KDM4C: variants seen among roughly 807,000 people sequenced by gnomAD.
KDM4C encodes lysine-specific demethylase 4C.
Under a neutral mutation model 129.3 loss-of-function variants are expected in KDM4C, and 81 were observed. The observed-to-expected ratio is 0.63, with a 90% confidence interval of 0.52 to 0.75. KDM4C has a LOEUF of 0.75. Ranked by LOEUF, KDM4C falls within the 30% of genes least tolerant of loss-of-function variation. The probability of loss-of-function intolerance (pLI) is 0.00; values close to 1 mark genes in which losing one functional copy is unlikely to be tolerated. For missense variants in KDM4C, 1,457 were observed against 1,304.0 expected (o/e 1.12, Z -1.81); for synonymous variants, 573 against 456.1 (o/e 1.26, Z -3.26).
At chr9:7,007,947 C>A (rs1247699977) in intron 12 of KDM4C, among the ~76,000 whole-genome samples, 1 of 152,064 alleles carries the variant, frequency 6.6e-6, no homozygotes, top group Admixed American at 6.6e-5. Context: ...GCGCTTGTCC[C>A]CTGGCAGAAA....
At chr9:7,136,122 T>C (rs1257520135) in intron 19 of KDM4C, among the ~76,000 whole-genome samples, 1 of 152,236 alleles carries the variant, frequency 6.6e-6, no homozygotes, top group African/African-American at 2.4e-5. Context: ...GTTTTTTGTG[T>C]ATTCTAGATA....
At chr9:6,752,485 A>C (rs534762833) in intron 1 of KDM4C, among the ~76,000 whole-genome samples, 16 of 144,100 alleles carry the variant, frequency 1.1e-4, no homozygotes, top group Non-Finnish European at 1.9e-4. Context: ...ATCTCGGCTT[A>C]CTGCAATCTC....
intron 20 of KDM4C, among the ~76,000 whole-genome samples, chr9:7,168,148 G>T (rs369302800): frequency 6.6e-6 from 1 of 152,048 alleles, no homozygotes; most frequent in Non-Finnish European, 1.5e-5. Context: ...AGATCGCGCC[G>T]TTGCACTCCA....
chr9:6,868,729 C>T (rs1842420016), intron 5 of KDM4C, among the ~76,000 whole-genome samples: 1 of 151,792 alleles, frequency 6.6e-6, no homozygotes, highest in South Asian at 2.1e-4. Context: ...TTGGTTGACT[C>T]CATGGATGTG....
intron 5 of KDM4C, among the ~76,000 whole-genome samples, chr9:6,866,184 CTT>C (rs1033264369): frequency 2.1e-5 from 3 of 144,984 alleles, no homozygotes; most frequent in Admixed American, 6.9e-5. Flanking sequence ...TGCACCCATC[CTT>C]TTTTTTTTTT....
intron 1 of KDM4C, chr9:6,721,154 G>A: frequency 3.7e-6 from 2 of 544,334 alleles, no homozygotes; most frequent in South Asian, 2.4e-5. Context: ...CCTCACTGCA[G>A]CCTCAACATC....
intron 19 of KDM4C, among the ~76,000 whole-genome samples, chr9:7,144,311 G>C (rs4560850): frequency 0.24 from 35,758 of 151,768 alleles, 4,259 homozygotes; most frequent in Middle Eastern, 0.37. Context: ...GATATTTTCT[G>C]ACAAATCATA....
intron 1 of KDM4C, among the ~76,000 whole-genome samples, chr9:6,732,653 C>T (rs1191983657): frequency 6.6e-6 from 1 of 152,172 alleles, no homozygotes; most frequent in Admixed American, 6.6e-5. Flanking sequence ...CCAGAAAGTA[C>T]TCACTTCCTA....
intron 2 of KDM4C, among the ~76,000 whole-genome samples, 187 bp downstream of exon 2, chr9:6,793,319 A>G (rs556454746): frequency 2.0e-5 from 3 of 152,116 alleles, no homozygotes; most frequent in African/African-American, 7.2e-5. Flanking sequence ...AAGTATAACT[A>G]TTCATACTAG....
chr9:6,808,914 C>T (rs770033214), intron 3 of KDM4C, among the ~76,000 whole-genome samples: 3 of 151,642 alleles, frequency 2.0e-5, no homozygotes, highest in Non-Finnish European at 2.9e-5. Context: ...AATTAAGGCC[C>T]CAGATGAAAG....
rs74663818 is a variant in KDM4C, at chr9:7,092,287, T to C, written c.2425-11398T>C. ...GCTCAGAGGGACATGGTAACCTGCA[T>C]CTTAGTGGGAGAGCTGGGACTCCTA... On this transcript the variant is annotated intron_variant, in intron 17 of 21. Transcript: ENST00000381309. Among the ~76,000 whole-genome samples, 552 of 152,238 alleles carry C rather than the reference T, an allele frequency of 3.6e-3. 3 individuals carry two copies. Among genetic ancestry groups the C allele is most frequent in the African/African-American group, 0.011 (473 of 41,540 alleles).
intron 2 of KDM4C, 61 bp downstream of exon 2, chr9:6,793,193 A>C: frequency 6.4e-7 from 1 of 1,555,530 alleles, no homozygotes; most frequent in Non-Finnish European, 8.8e-7. Flanking sequence ...TTATGTTCTT[A>C]GTTTTCACGA....
In KDM4C at chr9:6,956,780, T is replaced by C. The variant is rs554496453; in HGVS notation, c.922-24145T>C. Among the ~76,000 whole-genome samples the C allele has an allele frequency of 2.6e-5, 4 of 152,350 alleles. No homozygotes were observed. The South Asian group carries it at 8.3e-4, about 32-fold the overall frequency. ...ATGTTGTCTGTGCAGCTTAGGTGATTAACCAGCTGGCATGCTTTATGTTTT... is the reference window on the plus strand; with the variant it reads ...ATGTTGTCTGTGCAGCTTAGGTGATCAACCAGCTGGCATGCTTTATGTTTT... On this transcript the variant is annotated intron_variant, in intron 8 of 21. Transcript: ENST00000381309.
At position 7,067,608 on chromosome 9, in the gene KDM4C, C is replaced by T. The variant is rs374223863; in HGVS notation, c.2424+18408C>T. Among the ~76,000 whole-genome samples, 9 of 152,284 alleles carry T rather than the reference C, an allele frequency of 5.9e-5. No homozygotes were observed. In the East Asian group the frequency reaches 1.7e-3, roughly 29 times the overall value. The stretch of plus-strand genomic sequence containing the variant: ...GAGGTTAGAATTCAAATATATAGAT[C>T]ATGTTAAGACTCTTGGTCTTTATTT... On this transcript the variant is annotated intron_variant, in intron 17 of 21. Transcript: ENST00000381309.
chr9:6,922,670 C>CTGGGAGA (rs1188248724), intron 8 of KDM4C, among the ~76,000 whole-genome samples: 2 of 152,240 alleles, frequency 1.3e-5, no homozygotes, highest in Non-Finnish European at 2.9e-5. Flanking sequence ...TCACCTGAGC[C>CTGGGAGA]TGGGAGATTG....
intron 12 of KDM4C, among the ~76,000 whole-genome samples, chr9:7,002,141 C>G (rs111454639): frequency 8.6e-4 from 131 of 152,314 alleles, no homozygotes; most frequent in African/African-American, 3.0e-3. Context: ...GATCCTCCTG[C>G]CTTGGCCTCC....
rs1822145437 is a variant in KDM4C, at chr9:6,772,729, T to G, written c.-18+14526T>G. ...TTTTTTTGAGATGGAGTTTCGTTCT[T>G]TCACCCATGCTGGAGTGAAGTGGCG... is the stretch of plus-strand genomic sequence containing the variant. On this transcript the variant is annotated intron_variant, in intron 1 of 21. Coordinates refer to ENST00000381309, the MANE Select transcript of KDM4C (RefSeq NM_015061.6). Among the ~76,000 whole-genome samples, 2 of 149,032 alleles carry G rather than the reference T, an allele frequency of 1.3e-5. 1 individual carries two copies. The highest frequency in any genetic ancestry group is 4.3e-4 in the South Asian group (2 of 4,660).
intron 15 of KDM4C, among the ~76,000 whole-genome samples, chr9:7,046,576 T>C (rs745333084): frequency 2.0e-5 from 3 of 152,032 alleles, no homozygotes; most frequent in Admixed American, 6.6e-5. Context: ...GTTCTCTGTG[T>C]CACAGCTTTC....
intron 12 of KDM4C, among the ~76,000 whole-genome samples, chr9:6,995,458 A>T (rs1362851285): frequency 6.6e-6 from 1 of 152,214 alleles, no homozygotes; most frequent in East Asian, 1.9e-4. Flanking sequence ...GAATTGTTCA[A>T]GGGAAGCATG....
Sources: allele counts gnomAD v4.1 joint callset (sites outside exome capture counted in the v4.1 genomes callset), GRCh38; gene constraint gnomAD v4.1.1; transcripts MANE v1.5; gene names NCBI Gene and HGNC (gene_info 2026-07-23, HGNC 2026-07-21).